The following THTPA variants were observed in gnomAD, a reference collection of about 807,000 sequenced individuals.
THTPA encodes thiamine-triphosphatase.
Under a neutral mutation model 16.5 loss-of-function variants are expected in THTPA, and 16 were observed. That is an observed-to-expected ratio of 0.97 (90% CI 0.66 to 1.47). The LOEUF is 1.47. THTPA is among the 40% of genes most tolerant of loss of function. THTPA has a pLI of 0.00. For missense variants in THTPA, 281 were observed against 280.9 expected, an observed-to-expected ratio of 1.00 and a Z score of 0.00; for synonymous variants, 110 against 115.5, an observed-to-expected ratio of 0.95 and a Z score of 0.30.
At chr14:23,521,637 A>C in the THTPA span, 1 of 284,344 alleles carries the variant, frequency 3.5e-6, no homozygotes, top group South Asian at 6.9e-5. Flanking sequence ...GATAGAACCA[A>C]GGATATATTT....
chr14:23,526,867 G>T, the THTPA span: 2 of 1,532,608 alleles, frequency 1.3e-6, no homozygotes, highest in Non-Finnish European at 1.7e-6. Flanking sequence ...GTCTCTGCTC[G>T]GTGTAGGCTC....
chr14:23,556,895 C>T lies in THTPA; in HGVS notation c.138C>T (p.Ser46=). 6.2e-7 allele frequency: 1 copy of T among 1,613,874 alleles called. No individual in the cohort carries two copies. Among genetic ancestry groups the T allele is most frequent in the Non-Finnish European group, 8.5e-7 (1 of 1,179,872 alleles). The change falls in exon 1 of 2, where the codon AGC becomes AGT. Residue 46 remains serine, a synonymous_variant. Transcript: ENST00000288014. ...CCTACTATGACACCCCTGAGCTGAG[C>T]CTCATGCAGGCTGACCACTGGCTGC... ...RDTYYDTPEL[S]LMQADHWLRR...
chr14:23,524,020 A>C, the THTPA span: 1 of 1,516,902 alleles, frequency 6.6e-7, no homozygotes, highest in Non-Finnish European at 8.8e-7. The surrounding 1 kb of genome is among the most constrained non-coding windows in gnomAD (Gnocchi z 5.6). Context: ...GGGGCCCAGA[A>C]GCAAGCGTGG....
the THTPA span, chr14:23,534,130 C>T: frequency 1.4e-6 from 2 of 1,479,268 alleles, no homozygotes; most frequent in African/African-American, 1.4e-5. This position sits in a 1 kb window ranked among gnomAD's most constrained non-coding sequence, Gnocchi z 4.5. Flanking sequence ...GAGAGTGCCC[C>T]CCTCCTTGGA....
At chr14:23,527,790 T>C in the THTPA span, 25 of 1,535,562 alleles carry the variant, frequency 1.6e-5, no homozygotes, top group Admixed American at 9.8e-5. Context: ...AGCTGCAGTA[T>C]GGACAGCAGT....
At chr14:23,522,265 G>A in the THTPA span, 2 of 1,487,556 alleles carry the variant, frequency 1.3e-6, no homozygotes, top group East Asian at 4.9e-5. Context: ...AGAAGCAGAA[G>A]GATCTCTGGT....
the THTPA span, among the ~76,000 whole-genome samples, chr14:23,512,077 C>T: frequency 6.6e-6 from 1 of 152,094 alleles, no homozygotes; most frequent in Non-Finnish European, 1.5e-5. Context: ...TCTTCACATC[C>T]CCTCTGCACC....
chr14:23,524,161 T>A, the THTPA span: 1 of 1,535,918 alleles, frequency 6.5e-7, no homozygotes, highest in Non-Finnish European at 8.7e-7. The surrounding 1 kb of genome is among the most constrained non-coding windows in gnomAD (Gnocchi z 5.6). Context: ...GTTTCACTGC[T>A]GGACTAGGCA....
chr14:23,514,003 T>A, the THTPA span: 1 of 152,634 alleles, frequency 6.6e-6, no homozygotes, highest in Non-Finnish European at 1.5e-5. Flanking sequence ...GCTGGCAATC[T>A]GGCCCTTTGT....
chr14:23,526,054 C>T, the THTPA span: 1 of 1,536,498 alleles, frequency 6.5e-7, no homozygotes, highest in Non-Finnish European at 8.7e-7. Context: ...TCTCGCCTTC[C>T]TTGGGCTCTT....
chr14:23,534,193 C>T, the THTPA span: 1 of 1,481,416 alleles, frequency 6.8e-7, no homozygotes, highest in Non-Finnish European at 8.9e-7. The surrounding 1 kb of genome is among the most constrained non-coding windows in gnomAD (Gnocchi z 4.5). Flanking sequence ...CTCTTCTTGC[C>T]CCTCAGGGAA....
At chr14:23,535,995 T>C in the THTPA span, among the ~76,000 whole-genome samples, 1 of 152,190 alleles carries the variant, frequency 6.6e-6, no homozygotes, top group Non-Finnish European at 1.5e-5. The surrounding 1 kb of genome is among the most constrained non-coding windows in gnomAD (Gnocchi z 4.5). Flanking sequence ...ACCCAAAGTT[T>C]TATCTTGCCC....
At chr14:23,530,375 A>G in the THTPA span, 3 of 700,712 alleles carry the variant, frequency 4.3e-6, no homozygotes, top group Non-Finnish European at 2.6e-6. Flanking sequence ...ATAGAGGGAA[A>G]ATTACAGTAT....
chr14:23,524,189 C>T, the THTPA span: 7 of 1,536,216 alleles, frequency 4.6e-6, no homozygotes, highest in Non-Finnish European at 5.2e-6. This position sits in a 1 kb window ranked among gnomAD's most constrained non-coding sequence, Gnocchi z 5.6. Flanking sequence ...AGGGGTGCTT[C>T]GAAACTGGCC....
the THTPA span, among the ~76,000 whole-genome samples, chr14:23,549,129 T>C: frequency 0.65 from 99,029 of 151,944 alleles, 34,109 homozygotes; most frequent in Non-Finnish European, 0.77. Context: ...TTTAGGAATA[T>C]TCTATCATTT....
At chr14:23,539,132 C>T in the THTPA span, among the ~76,000 whole-genome samples, 1 of 152,102 alleles carries the variant, frequency 6.6e-6, no homozygotes, top group East Asian at 1.9e-4. Context: ...TCCCCTAATG[C>T]ACTGTTTCGT....
chr14:23,535,191 G>A, the THTPA span: 1 of 1,531,438 alleles, frequency 6.5e-7, no homozygotes, highest in Middle Eastern at 1.7e-4. This position sits in a 1 kb window ranked among gnomAD's most constrained non-coding sequence, Gnocchi z 4.5. Context: ...CAGAGGTGGA[G>A]GAGGCAGCAG....
the THTPA span, chr14:23,522,978 C>CTCT: frequency 7.0e-7 from 1 of 1,428,438 alleles, no homozygotes; most frequent in Non-Finnish European, 9.1e-7. Flanking sequence ...GATTAGCCAT[C>CTCT]TCCTGTCCCA....
the THTPA span, chr14:23,525,224 C>A: frequency 6.5e-7 from 1 of 1,536,112 alleles, no homozygotes; most frequent in Non-Finnish European, 8.7e-7. This position sits in a 1 kb window ranked among gnomAD's most constrained non-coding sequence, Gnocchi z 5.9. Context: ...GGGCCAGTGT[C>A]CCCCTGCTCG....
Sources: gnomAD v4.1 joint callset for allele counts (sites outside exome capture counted in the v4.1 genomes callset) on GRCh38, gnomAD v4.1.1 for gene constraint, Gnocchi (gnomAD v3.1) non-coding constraint, MANE v1.5 for transcripts, NCBI Gene and HGNC (gene_info 2026-07-23, HGNC 2026-07-21) for gene names.